Variants in ERGIC1 observed in about 807,000 individuals in gnomAD.
The protein encoded by ERGIC1 is endoplasmic reticulum-Golgi intermediate compartment protein 1.
In ERGIC1, 19 loss-of-function variants were observed where a neutral mutation model predicts 38.3. That is an observed-to-expected ratio of 0.50 (90% CI 0.35 to 0.73). ERGIC1 has a LOEUF of 0.73. ERGIC1 is among the 30% of genes least tolerant of loss of function. The pLI, the probability that ERGIC1 is intolerant of heterozygous loss-of-function variation, is 0.01. For synonymous variants in ERGIC1, 124 were observed against 157.6 expected (o/e 0.79, Z 1.60); for missense variants, 294 against 389.2 (o/e 0.76, Z 2.06).
At chr5:172,879,576 T>G (rs1762230987) in intron 1 of ERGIC1, among the ~76,000 whole-genome samples, 1 of 152,232 alleles carries the variant, frequency 6.6e-6, no homozygotes, top group Admixed American at 6.5e-5. Context: ...TTGCTTTGTT[T>G]TTTTTCCAAG....
At chr5:172,863,330 C>G (rs1261646433) in intron 1 of ERGIC1, among the ~76,000 whole-genome samples, 2 of 152,070 alleles carry the variant, frequency 1.3e-5, no homozygotes, top group Non-Finnish European at 1.5e-5. Flanking sequence ...TTTCTAAACT[C>G]GATTATGAGA....
chr5:172,875,927 A>T (rs546192332), intron 1 of ERGIC1, among the ~76,000 whole-genome samples: 3 of 152,106 alleles, frequency 2.0e-5, no homozygotes, highest in Admixed American at 6.6e-5. Context: ...CGCATTATGG[A>T]TTGGGCTTAT....
At chr5:172,899,621 G>A (rs533423932) in intron 3 of ERGIC1, among the ~76,000 whole-genome samples, 1 of 152,132 alleles carries the variant, frequency 6.6e-6, no homozygotes, top group East Asian at 1.9e-4. Context: ...GCCTAGCCTG[G>A]GACTCACTTC....
At chr5:172,914,254 A>AAAAAAAAAAAAAAAAAAAAT (rs796565475) in intron 4 of ERGIC1, among the ~76,000 whole-genome samples, 1 of 131,236 alleles carries the variant, frequency 7.6e-6, no homozygotes. Flanking sequence ...AAAAAAAAAA[A>AAAAAAAAAAAAAAAAAAAAT]AAATACAAAG....
intron 1 of ERGIC1, among the ~76,000 whole-genome samples, chr5:172,858,081 G>C (rs1196299755): frequency 6.6e-6 from 1 of 152,190 alleles, no homozygotes; most frequent in Non-Finnish European, 1.5e-5. Flanking sequence ...GGGCTGTGAG[G>C]CCTGCGTCTT....
intron 1 of ERGIC1, among the ~76,000 whole-genome samples, chr5:172,844,019 A>G (rs1053933599): frequency 6.6e-6 from 1 of 152,166 alleles, no homozygotes; most frequent in East Asian, 1.9e-4. Flanking sequence ...GCCGTGATAG[A>G]TGGCAGTAGT....
chr5:172,874,255 A>G (rs531249077), intron 1 of ERGIC1, among the ~76,000 whole-genome samples: 1 of 151,528 alleles, frequency 6.6e-6, no homozygotes, highest in African/African-American at 2.4e-5. Context: ...CTTTTTTTGT[A>G]TTTTTAGTAG....
chr5:172,948,573 C>G (rs140478250), intron 9 of ERGIC1, among the ~76,000 whole-genome samples: 5 of 152,122 alleles, frequency 3.3e-5, no homozygotes, highest in Non-Finnish European at 7.4e-5. Flanking sequence ...GCCACATGCA[C>G]TGTGTGACCT....
chr5:172,893,794 T>G (rs1762627728), intron 2 of ERGIC1, among the ~76,000 whole-genome samples: 1 of 146,118 alleles, frequency 6.8e-6, no homozygotes, highest in Non-Finnish European at 1.5e-5. Flanking sequence ...TGGAACCTGT[T>G]TCGACATAGA....
intron 1 of ERGIC1, among the ~76,000 whole-genome samples, chr5:172,884,219 A>G (rs1227122904): frequency 8.4e-6 from 1 of 119,070 alleles, no homozygotes; most frequent in Non-Finnish European, 1.8e-5. Flanking sequence ...CACATTGTCT[A>G]TTCTTCGGCC....
intron 1 of ERGIC1, among the ~76,000 whole-genome samples, chr5:172,857,315 G>T (rs972999300): frequency 2.0e-5 from 3 of 152,292 alleles, no homozygotes; most frequent in South Asian, 2.1e-4. Context: ...CCCTGGAATG[G>T]TTCGATTCAT....
intron 1 of ERGIC1, chr5:172,867,085 C>T: frequency 4.6e-6 from 2 of 439,042 alleles, no homozygotes. Flanking sequence ...CATGCAGAGT[C>T]TTTGCAGACC....
chr5:172,924,151 C>T (rs1474144679), intron 6 of ERGIC1, 42 bp downstream of exon 6: 10 of 1,582,762 alleles, frequency 6.3e-6, no homozygotes, highest in African/African-American at 1.3e-5. Flanking sequence ...GGGGGTGGGC[C>T]TTCAGGGGCT....
chr5:172,931,510 C>G (rs1308224183), intron 7 of ERGIC1, among the ~76,000 whole-genome samples: 1 of 152,184 alleles, frequency 6.6e-6, no homozygotes, highest in Admixed American at 6.5e-5. Flanking sequence ...ACTGATCTGC[C>G]GTTGATTTCT....
chr5:172,895,990 G>A (rs1261703125), intron 2 of ERGIC1, among the ~76,000 whole-genome samples: 1 of 152,060 alleles, frequency 6.6e-6, no homozygotes. Flanking sequence ...CCAGGCAGAT[G>A]AGAGAAAGAC....
Position 172,872,815 on chromosome 5 carries a change from CAAAAAAAA to C in ERGIC1, c.21-15883_21-15876del, listed in dbSNP as rs886766561. Among the ~76,000 whole-genome samples the C allele has an allele frequency of 3.4e-5, 5 of 148,240 alleles. No homozygotes were observed. In the East Asian group the frequency reaches 5.9e-4, roughly 18 times the overall value. ...AGGCAACAAGAGCAAAACTCTATCT[CAAAAAAAA>C]GAAAAAAAGAAAAAAGAAAAGAAAA... is the stretch of plus-strand genomic sequence containing the variant. On this transcript the variant is annotated intron_variant, in intron 1 of 9. Transcript: ENST00000393784.
chr5:172,872,110 G>A (rs1370609320), intron 1 of ERGIC1, among the ~76,000 whole-genome samples: 1 of 152,116 alleles, frequency 6.6e-6, no homozygotes, highest in East Asian at 1.9e-4. Flanking sequence ...TCAGATGGGC[G>A]AGGACATGTA....
At chr5:172,928,355 C>T (rs1434218189) in intron 7 of ERGIC1, among the ~76,000 whole-genome samples, 1 of 152,214 alleles carries the variant, frequency 6.6e-6, no homozygotes, top group Non-Finnish European at 1.5e-5. Flanking sequence ...AGCTCCCAAG[C>T]TCAGTCCCTG....
intron 1 of ERGIC1, among the ~76,000 whole-genome samples, chr5:172,876,268 C>T (rs978140081): frequency 4.6e-5 from 7 of 152,206 alleles, no homozygotes; most frequent in Admixed American, 1.3e-4. Flanking sequence ...TCAGTGGATG[C>T]ACAAAGAGGA....
Sources: allele counts gnomAD v4.1 joint callset (sites outside exome capture counted in the v4.1 genomes callset), GRCh38; gene constraint gnomAD v4.1.1; transcripts MANE v1.5; gene names NCBI Gene and HGNC (gene_info 2026-07-23, HGNC 2026-07-21).